Variants in PTPN14 observed in about 807,000 individuals in gnomAD.
PTPN14 encodes protein tyrosine phosphatase non-receptor type 14.
In PTPN14, 53 loss-of-function variants were observed where a neutral mutation model predicts 126.8. The ratio of observed to expected loss-of-function variants is 0.42; its 90% confidence interval spans 0.34 to 0.53. The LOEUF (loss-of-function observed/expected upper bound fraction) is 0.53, where lower values mean the gene tolerates loss of function less well. PTPN14 is among the 20% of genes least tolerant of loss of function. PTPN14 has a pLI of 0.08. For synonymous variants in PTPN14, 630 were observed against 599.3 expected, an observed-to-expected ratio of 1.05 and a Z score of -0.75; for missense variants, 1,257 against 1,552.9, an observed-to-expected ratio of 0.81 and a Z score of 3.20.
chr1:214,400,928 T>C (rs1659000618), intron 7 of PTPN14, among the ~76,000 whole-genome samples: 1 of 152,178 alleles, frequency 6.6e-6, no homozygotes, highest in Non-Finnish European at 1.5e-5. Flanking sequence ...AAACAGCCAG[T>C]GGAGCTAGTC....
In PTPN14 at chr1:214,357,637, T is replaced by G. The variant is rs970277707; in HGVS notation, c.*285A>C. ...GCAGGCAACCTTACCTGCTGACATA[T>G]ATTACAATACAGATCAGTCAAGATG... On this transcript the variant is annotated 3_prime_UTR_variant, in exon 19 of 19. Coordinates refer to ENST00000366956, the MANE Select transcript of PTPN14 (RefSeq NM_005401.5). 2 of 193,484 alleles carry G rather than the reference T, an allele frequency of 1.0e-5. No individual in the cohort carries two copies. Among genetic ancestry groups the G allele is most frequent in the Non-Finnish European group, 1.0e-5 (1 of 95,426 alleles). The allele number at this position is 193,484 out of a possible 1,614,324, so 12.0% of individuals were successfully genotyped here.
At chr1:214,458,420 A>C (rs1660433344) in intron 2 of PTPN14, among the ~76,000 whole-genome samples, 1 of 152,222 alleles carries the variant, frequency 6.6e-6, no homozygotes, top group East Asian at 1.9e-4. Context: ...CAGTCTCTGG[A>C]AGTGTCATGG....
At position 214,348,791 on chromosome 1, in the gene PTPN14, C is replaced by T. The variant is rs1348266524; in HGVS notation, c.*9131G>A. 1 of 152,086 alleles carries T rather than the reference C, an allele frequency of 6.6e-6. No homozygotes were observed. Among genetic ancestry groups the T allele is most frequent in the Non-Finnish European group, 1.5e-5 (1 of 68,022 alleles). 9.4% of individuals were successfully genotyped at this position (152,086 alleles called of 1,614,324 possible). A position where few individuals can be genotyped will look rare whatever the true frequency, so the allele number is the denominator to read the frequency against. On this transcript the variant is annotated 3_prime_UTR_variant, in exon 19 of 19. Coordinates refer to ENST00000366956, the MANE Select transcript of PTPN14 (RefSeq NM_005401.5). ...AATAAAGATCTCACATTTGTAAAGGCACATATGAAACATTTTATAGCAAGC... is the reference window on the plus strand; with the variant it reads ...AATAAAGATCTCACATTTGTAAAGGTACATATGAAACATTTTATAGCAAGC...
chr1:214,538,731 TCTAA>T lies in PTPN14; in HGVS notation c.-155+12448_-155+12451del, dbSNP rs372485755. Among the ~76,000 whole-genome samples the T allele has an allele frequency of 1.6e-4, 24 of 152,302 alleles. No homozygotes were observed. The East Asian group carries it at 3.3e-3, about 21-fold the overall frequency. The stretch of plus-strand genomic sequence containing the variant: ...TTGCTTGCTTGCTTCTTGGCAGTAT[TCTAA>T]CTAAGTAAGTGGGGGAGACAGAGGG... On this transcript the variant is annotated intron_variant, in intron 1 of 18. Transcript: ENST00000366956.
chr1:214,492,901 GAA>G (rs966703560), intron 1 of PTPN14, among the ~76,000 whole-genome samples: 12 of 84,854 alleles, frequency 1.4e-4, no homozygotes, highest in East Asian at 3.2e-4. Context: ...CTGTCTCAAA[GAA>G]AAAAAAAAAA....
rs1323318041 is a variant in PTPN14 at position 214,383,558 on chromosome 1, T to C, written c.2297A>G (p.Gln766Arg). ...GGCGGGAGGAAGGCTGGCTTGGTCC[T>C]GCCTCAGAGCCCCATTGCTCACACT... ...RKSVSNGALR[Q>R]DQASLPPAMA... The change falls in exon 13 of 19, where the codon CAG (glutamine) becomes CGG (arginine). Residue 766 changes from glutamine to arginine, a missense_variant. By Grantham distance (43) the Gln-to-Arg change is conservative. Transcript: ENST00000366956. The surrounding 1 kb of genome is among the most constrained non-coding windows in gnomAD (Gnocchi z 4.4). The C allele has an allele frequency of 6.8e-6, 11 of 1,613,862 alleles. No individual in the cohort carries two copies. Among genetic ancestry groups the C allele is most frequent in the Non-Finnish European group, 9.3e-6 (11 of 1,179,948 alleles).
At chr1:214,414,581 A>T (rs747980734) in intron 4 of PTPN14, 48 bp downstream of exon 4, 1 of 1,529,266 alleles carries the variant, frequency 6.5e-7, no homozygotes, top group South Asian at 1.1e-5. Flanking sequence ...CAACACCATG[A>T]TCAAACAGAA....
chr1:214,420,342 T>A (rs1180819281), intron 3 of PTPN14, among the ~76,000 whole-genome samples: 1 of 152,242 alleles, frequency 6.6e-6, no homozygotes, highest in African/African-American at 2.4e-5. Context: ...CGTTCAAGTC[T>A]AGAAGTTTTC....
intron 5 of PTPN14, among the ~76,000 whole-genome samples, chr1:214,404,705 G>A (rs1659122020): frequency 1.3e-5 from 2 of 152,144 alleles, no homozygotes; most frequent in Non-Finnish European, 2.9e-5. Flanking sequence ...ATGGCCCTGT[G>A]GGAATGAAAA....
At position 214,386,938 on chromosome 1, in the gene PTPN14, C is replaced by T. The variant is rs755769820; in HGVS notation, c.988-16G>A. 1 of 1,577,320 alleles carries T rather than the reference C, an allele frequency of 6.3e-7. No individual in the cohort carries two copies. Among genetic ancestry groups the T allele is most frequent in the South Asian group, 1.1e-5 (1 of 89,348 alleles). On this transcript the variant is annotated splice_polypyrimidine_tract_variant and intron_variant, in intron 11 of 18. Transcript: ENST00000366956. ...GCTGCCTGGGCTGAAACAGAGAACA[C>T]AGAGGAGGTGGGGAGGCCTGGGCAG... is the stretch of plus-strand genomic sequence containing the variant.
chr1:214,443,280 T>A (rs867142766), intron 3 of PTPN14, among the ~76,000 whole-genome samples: 2 of 152,150 alleles, frequency 1.3e-5, no homozygotes, highest in Non-Finnish European at 2.9e-5. Flanking sequence ...AAAATCCTAG[T>A]TGAGGATCAA....
intron 1 of PTPN14, among the ~76,000 whole-genome samples, chr1:214,538,499 G>A (rs1655761760): frequency 6.6e-6 from 1 of 152,176 alleles, no homozygotes; most frequent in African/African-American, 2.4e-5. Flanking sequence ...AGATAGGAGT[G>A]GGGAAAACCG....
intron 1 of PTPN14, among the ~76,000 whole-genome samples, chr1:214,534,739 T>TAAATAAATAAATAAATAAAA (rs1246810260): frequency 5.9e-5 from 9 of 151,902 alleles, no homozygotes; most frequent in African/African-American, 2.2e-4. Context: ...AATAAATAAA[T>TAAATAAATAAATAAATAAAA]AAAAGACGGA....
At chr1:214,522,999 C>G (rs1282357637) in intron 1 of PTPN14, among the ~76,000 whole-genome samples, 1 of 152,180 alleles carries the variant, frequency 6.6e-6, no homozygotes, top group Admixed American at 6.5e-5. Flanking sequence ...TGATCAGAAG[C>G]TGACTACAGA....
Position 214,383,383 on chromosome 1 carries a change from A to G in PTPN14, c.2472T>C (p.Pro824=), listed in dbSNP as rs1658517451. The G allele has an allele frequency of 3.1e-6, 5 of 1,614,162 alleles. No homozygotes were observed. Among genetic ancestry groups the G allele is most frequent in the Non-Finnish European group, 3.4e-6 (4 of 1,180,038 alleles). ...TSVKERVKKE[P]VKERPVSEMF... is the part of the protein sequence containing the mutation. ...TTTCAGACACAGGTCTCTCCTTCAC[A>G]GGCTCTTTTTTGACCCGCTCCTTCA... is the stretch of plus-strand genomic sequence containing the variant. The change falls in exon 13 of 19, where the codon CCT becomes CCC. Residue 824 remains proline, a synonymous_variant. Coordinates refer to ENST00000366956, the MANE Select transcript of PTPN14 (RefSeq NM_005401.5). The surrounding 1 kb of genome is among the most constrained non-coding windows in gnomAD (Gnocchi z 4.4).
At chr1:214,382,919 C>T (rs552837105) in intron 13 of PTPN14, among the ~76,000 whole-genome samples, 2 of 152,174 alleles carry the variant, frequency 1.3e-5, no homozygotes, top group African/African-American at 2.4e-5. Context: ...ATACAGAAGG[C>T]GGTATAGGGA....
At chr1:214,479,488 C>T (rs1043863215) in intron 1 of PTPN14, among the ~76,000 whole-genome samples, 14 of 151,896 alleles carry the variant, frequency 9.2e-5, no homozygotes, top group African/African-American at 3.4e-4. Context: ...TACAGGCGCC[C>T]ACCACCAAGC....
chr1:214,406,510 T>G (rs576563136), intron 5 of PTPN14, among the ~76,000 whole-genome samples: 1 of 150,630 alleles, frequency 6.6e-6, no homozygotes, highest in East Asian at 1.9e-4. Context: ...AAGTAGCCAA[T>G]GCAATCTAGC....
chr1:214,446,735 C>CA (rs56887546), intron 3 of PTPN14, among the ~76,000 whole-genome samples: 12,653 of 145,058 alleles, frequency 0.087, 1,781 homozygotes, highest in African/African-American at 0.3. Context: ...ATATACACAG[C>CA]AAAAAAAAAA....
Sources: gnomAD v4.1 joint callset for allele counts (sites outside exome capture counted in the v4.1 genomes callset) on GRCh38, gnomAD v4.1.1 for gene constraint, Gnocchi (gnomAD v3.1) non-coding constraint, MANE v1.5 for transcripts, NCBI Gene and HGNC (gene_info 2026-07-23, HGNC 2026-07-21) for gene names.